Variants in TNIK observed in about 807,000 individuals in gnomAD.
TNIK encodes the protein TRAF2 and NCK-interacting protein kinase.
A neutral mutation model predicts 191.3 loss-of-function variants in TNIK; 49 were observed. The ratio of observed to expected loss-of-function variants is 0.26; its 90% CI spans 0.20 to 0.32. TNIK has a LOEUF of 0.32. TNIK is among the 10% of genes least tolerant of loss of function. The pLI, the probability that TNIK is intolerant of heterozygous loss-of-function variation, is 1.00. For missense variants in TNIK, 1,155 were observed against 1,702.3 expected (o/e 0.68, Z 5.66); for synonymous variants, 594 against 600.9 (o/e 0.99, Z 0.17).
chr3:171,094,727 A>G (rs1722500841), intron 22 of TNIK, among the ~76,000 whole-genome samples: 1 of 152,066 alleles, frequency 6.6e-6, no homozygotes, highest in East Asian at 1.9e-4. Context: ...TTCATCCTAC[A>G]TGATGCTTTC....
rs780790212 is a variant in TNIK at position 171,175,293 on chromosome 3, G to A, written c.732C>T (p.Leu244=). ...GCCGAGGCGCTGGGTTCCGGGGGAT[G>A]AGGAAGAGAGCTCTCATGGGGTGCA... ...CDMHPMRALF[L]IPRNPAPRLK... is the part of the protein sequence containing the mutation. The change falls in exon 9 of 33, where the codon CTC becomes CTT. Residue 244 remains leucine (L), a synonymous_variant. Transcript: ENST00000436636. The A allele has an allele frequency of 1.5e-5, 24 of 1,612,474 alleles. No homozygotes were observed. The highest frequency in any genetic ancestry group is 2.0e-5 in the Non-Finnish European group (23 of 1,179,478).
intron 1 of TNIK, among the ~76,000 whole-genome samples, chr3:171,406,298 C>A (rs549225766): frequency 1.2e-4 from 18 of 152,222 alleles, no homozygotes; most frequent in Admixed American, 1.1e-3. Flanking sequence ...GATGCCATGG[C>A]ACATTGCAGG....
intron 12 of TNIK, 54 bp from the exon 13 acceptor site, chr3:171,140,563 T>TA (rs1379232895): frequency 6.5e-7 from 1 of 1,548,504 alleles, no homozygotes; most frequent in Non-Finnish European, 8.9e-7. Flanking sequence ...GTGGGGGGTG[T>TA]CAGGGAGCCA....
At chr3:171,305,434 A>G (rs1753349692) in intron 2 of TNIK, among the ~76,000 whole-genome samples, 1 of 152,210 alleles carries the variant, frequency 6.6e-6, no homozygotes, top group Non-Finnish European at 1.5e-5. Flanking sequence ...GAAAACCTAC[A>G]GGATGGGAGA....
intron 2 of TNIK, among the ~76,000 whole-genome samples, chr3:171,282,341 G>GTTTTTTTTTTTTTTTTTTTTTTTT (rs869305605): frequency 2.5e-5 from 2 of 79,966 alleles, no homozygotes; most frequent in African/African-American, 8.9e-5. Context: ...ATGGTTTTTT[G>GTTTTTTTTTTTTTTTTTTTTTTTT]TTTTTTTTTT....
chr3:171,152,003 G>C (rs183325183), intron 12 of TNIK, among the ~76,000 whole-genome samples: 1 of 152,098 alleles, frequency 6.6e-6, no homozygotes, highest in Admixed American at 6.6e-5. Flanking sequence ...AATGGTGACC[G>C]GGCATGGTGG....
At chr3:171,231,571 T>C (rs983769714) in intron 2 of TNIK, among the ~76,000 whole-genome samples, 1 of 152,128 alleles carries the variant, frequency 6.6e-6, no homozygotes, top group African/African-American at 2.4e-5. Flanking sequence ...GGAAGGATGC[T>C]GAGCTGTCAC....
At chr3:171,082,211 G>T (rs1338604936) in intron 27 of TNIK, 40 bp downstream of exon 27, 2 of 1,597,858 alleles carry the variant, frequency 1.3e-6, no homozygotes, top group South Asian at 1.1e-5. Flanking sequence ...TCCCTTTCCC[G>T]CTGTATGGAC....
intron 1 of TNIK, among the ~76,000 whole-genome samples, chr3:171,382,283 T>C (rs1019757356): frequency 2.2e-5 from 3 of 139,110 alleles, no homozygotes; most frequent in African/African-American, 5.2e-5. Context: ...GGCAGTGGCA[T>C]GATCTCAGCT....
At chr3:171,195,133 C>A (rs1738536480) in intron 4 of TNIK, among the ~76,000 whole-genome samples, 2 of 152,164 alleles carry the variant, frequency 1.3e-5, no homozygotes, top group African/African-American at 4.8e-5. Context: ...CGAATGTTCC[C>A]AGGAGGTTGG....
intron 3 of TNIK, chr3:171,225,661 G>T (rs1406638301): frequency 2.2e-6 from 1 of 454,742 alleles, no homozygotes; most frequent in African/African-American, 2.0e-5. Context: ...TACATGTTCT[G>T]GGAAAAATAA....
intron 18 of TNIK, among the ~76,000 whole-genome samples, chr3:171,117,231 CTG>C: frequency 6.6e-6 from 1 of 152,296 alleles, no homozygotes; most frequent in African/African-American, 2.4e-5. Context: ...CAAAATGGTG[CTG>C]TGTCAGTCAA....
chr3:171,118,317 T>C (rs777725317), intron 18 of TNIK, among the ~76,000 whole-genome samples: 1 of 152,250 alleles, frequency 6.6e-6, no homozygotes, highest in Admixed American at 6.5e-5. Flanking sequence ...GAGCATTTCA[T>C]GCTCATGGAT....
At chr3:171,211,281 A>G (rs1740784898) in intron 3 of TNIK, 40 bp from the exon 4 acceptor site, 1 of 1,569,666 alleles carries the variant, frequency 6.4e-7, no homozygotes, top group Non-Finnish European at 8.6e-7. Flanking sequence ...ATGAAAATCT[A>G]TGGTTGTTAG....
At chr3:171,126,223 G>C (rs1210127410) in intron 16 of TNIK, 72 bp from the exon 17 acceptor site, 3 of 1,355,584 alleles carry the variant, frequency 2.2e-6, no homozygotes, top group East Asian at 2.7e-5. Flanking sequence ...TCAGTGAGCT[G>C]AAGGAAAAAA....
At chr3:171,277,198 A>T (rs1279016632) in intron 2 of TNIK, among the ~76,000 whole-genome samples, 2 of 152,174 alleles carry the variant, frequency 1.3e-5, no homozygotes, top group African/African-American at 4.8e-5. Flanking sequence ...CCCTTATGAG[A>T]TAGAGCCCCT....
intron 1 of TNIK, among the ~76,000 whole-genome samples, chr3:171,427,630 G>A (rs1482115399): frequency 1.3e-5 from 2 of 152,100 alleles, no homozygotes; most frequent in Non-Finnish European, 2.9e-5. Flanking sequence ...TCCCTCAATG[G>A]CTATGCCTGC....
At chr3:171,259,132 G>A (rs545606803) in intron 2 of TNIK, among the ~76,000 whole-genome samples, 1 of 152,200 alleles carries the variant, frequency 6.6e-6, no homozygotes, top group Non-Finnish European at 1.5e-5. Flanking sequence ...GAGAGAGAGA[G>A]AGTGTATGTG....
intron 27 of TNIK, among the ~76,000 whole-genome samples, chr3:171,081,928 A>C (rs756297189): frequency 1.8e-4 from 27 of 152,294 alleles, no homozygotes; most frequent in Admixed American, 7.8e-4. Context: ...TTCTGTCTGT[A>C]TGTGGTAATA....
Sources: gnomAD v4.1 joint callset for allele counts (sites outside exome capture counted in the v4.1 genomes callset) on GRCh38, gnomAD v4.1.1 for gene constraint, MANE v1.5 for transcripts, NCBI Gene and HGNC (gene_info 2026-07-23, HGNC 2026-07-21) for gene names.